Variants in LRRC4C observed in about 807,000 individuals in gnomAD.
The protein encoded by LRRC4C is leucine-rich repeat-containing protein 4C.
A neutral mutation model predicts 33.6 loss-of-function variants in LRRC4C; 5 were observed. The observed-to-expected ratio is 0.15, with a 90% CI of 0.08 to 0.31. The LOEUF (loss-of-function observed/expected upper bound fraction) is 0.31. Ranked by LOEUF, LRRC4C falls within the 10% of genes least tolerant of loss-of-function variation. The probability of loss-of-function intolerance (pLI) is 1.00; values close to 1 mark genes in which losing one functional copy is unlikely to be tolerated. For missense variants in LRRC4C, 560 were observed against 796.7 expected (o/e 0.70, Z 3.58); for synonymous variants, 329 against 302.0 (o/e 1.09, Z -0.93).
At chr11:40,402,100 T>C (rs955852192) in intron 3 of LRRC4C, among the ~76,000 whole-genome samples, 1 of 152,088 alleles carries the variant, frequency 6.6e-6, no homozygotes, top group Non-Finnish European at 1.5e-5. Context: ...CAATTTCAGA[T>C]AACCATTTGA....
At chr11:40,825,454 T>C (rs1591815921) in intron 2 of LRRC4C, among the ~76,000 whole-genome samples, 1 of 152,032 alleles carries the variant, frequency 6.6e-6, no homozygotes, top group Admixed American at 6.6e-5. Context: ...CCATCTCTAC[T>C]TGACATCTAA....
chr11:40,889,917 A>G (rs1955626436), intron 2 of LRRC4C, among the ~76,000 whole-genome samples: 1 of 152,178 alleles, frequency 6.6e-6, no homozygotes, highest in Admixed American at 6.5e-5. Context: ...CCTGGCTTAT[A>G]GTCAATGTAT....
At position 41,240,408 on chromosome 11, in the gene LRRC4C, G is replaced by A. The variant is rs997484581; in HGVS notation, c.-496+219023C>T. Among the ~76,000 whole-genome samples the A allele has an allele frequency of 9.2e-5, 14 of 152,184 alleles. No individual in the cohort carries two copies. In the East Asian group the frequency reaches 2.5e-3, roughly 27 times the overall value. ...GAAAAAGATCAATTGAATTAAAAAC[G>A]TACAGCCTGAAAAACCACAGATTAC... On this transcript the variant is annotated intron_variant, in intron 1 of 6. Coordinates refer to ENST00000528697, the MANE Select transcript of LRRC4C (RefSeq NM_001258419.2).
intron 1 of LRRC4C, among the ~76,000 whole-genome samples, chr11:41,026,938 T>G (rs1431575667): frequency 6.6e-6 from 1 of 151,776 alleles, no homozygotes; most frequent in Non-Finnish European, 1.5e-5. Context: ...CTGGATTTAT[T>G]AAGATACTTC....
At chr11:40,126,682 C>A (rs757646973) in intron 6 of LRRC4C, among the ~76,000 whole-genome samples, 4 of 151,978 alleles carry the variant, frequency 2.6e-5, no homozygotes, top group East Asian at 1.9e-4. Flanking sequence ...AATTTGGGGA[C>A]GGGCGTGGTG....
intron 5 of LRRC4C, among the ~76,000 whole-genome samples, chr11:40,208,961 G>GTGTGTC (rs1295947039): frequency 1.3e-5 from 2 of 151,854 alleles, no homozygotes; most frequent in Admixed American, 6.6e-5. Context: ...GTGTGTGTGT[G>GTGTGTC]TGTGTGTGTG....
chr11:41,405,994 T>C (rs1210428009), intron 1 of LRRC4C, among the ~76,000 whole-genome samples: 1 of 152,142 alleles, frequency 6.6e-6, no homozygotes, highest in Non-Finnish European at 1.5e-5. Flanking sequence ...ACAGGACAGC[T>C]GTCTCCCTAG....
At chr11:40,498,074 G>A (rs1262581777) in intron 3 of LRRC4C, among the ~76,000 whole-genome samples, 1 of 151,970 alleles carries the variant, frequency 6.6e-6, no homozygotes. Flanking sequence ...CTTAATTTTA[G>A]CAAATCTTAG....
chr11:40,265,751 G>A (rs2136295533), intron 4 of LRRC4C, among the ~76,000 whole-genome samples: 1 of 152,310 alleles, frequency 6.6e-6, no homozygotes, highest in East Asian at 1.9e-4. Context: ...GTCCGTATTT[G>A]ATGGAGGGAT....
chr11:41,036,222 T>C (rs567705894), intron 1 of LRRC4C, among the ~76,000 whole-genome samples: 4 of 152,284 alleles, frequency 2.6e-5, no homozygotes, highest in Admixed American at 1.3e-4. Context: ...GTAGCCTTCA[T>C]TCTTAAATTC....
chr11:41,351,656 C>G (rs183097592), intron 1 of LRRC4C, among the ~76,000 whole-genome samples: 11 of 152,250 alleles, frequency 7.2e-5, no homozygotes, highest in Middle Eastern at 3.4e-3. Context: ...TCAGCAGACA[C>G]TTTAAAAGCC....
chr11:40,324,239 G>C (rs1269358185), intron 3 of LRRC4C, among the ~76,000 whole-genome samples: 1 of 152,194 alleles, frequency 6.6e-6, no homozygotes, highest in African/African-American at 2.4e-5. Context: ...AAGTTCTGAT[G>C]GATTTTAAGC....
intron 1 of LRRC4C, among the ~76,000 whole-genome samples, chr11:40,934,991 C>G (rs941412454): frequency 1.3e-5 from 2 of 152,104 alleles, no homozygotes; most frequent in African/African-American, 4.8e-5. Context: ...CACGTTGACC[C>G]TATTCTTTCC....
intron 1 of LRRC4C, among the ~76,000 whole-genome samples, chr11:41,077,528 C>A (rs1002713213): frequency 6.6e-6 from 1 of 152,180 alleles, no homozygotes; most frequent in African/African-American, 2.4e-5. Context: ...CCCATTTTAG[C>A]CATGGCTGGA....
intron 1 of LRRC4C, among the ~76,000 whole-genome samples, chr11:41,139,103 A>G (rs1053912432): frequency 2.0e-5 from 3 of 152,204 alleles, no homozygotes; most frequent in Admixed American, 6.5e-5. Flanking sequence ...GTTAAAAGCC[A>G]TATATAAAGT....
chr11:40,860,705 T>C (rs1319372045), intron 2 of LRRC4C, among the ~76,000 whole-genome samples: 1 of 149,522 alleles, frequency 6.7e-6, no homozygotes, highest in Non-Finnish European at 1.5e-5. Flanking sequence ...GATAACCTCA[T>C]TTCAAGGAAT....
intron 1 of LRRC4C, among the ~76,000 whole-genome samples, chr11:41,365,374 G>T (rs1203836424): frequency 6.6e-6 from 1 of 151,814 alleles, no homozygotes; most frequent in African/African-American, 2.4e-5. Flanking sequence ...ATGGTCAGTT[G>T]CAAATTATTT....
At chr11:41,038,451 G>A (rs1435526353) in intron 1 of LRRC4C, among the ~76,000 whole-genome samples, 1 of 152,040 alleles carries the variant, frequency 6.6e-6, no homozygotes, top group Non-Finnish European at 1.5e-5. Flanking sequence ...AATTCCTTGG[G>A]TGAGGTGTTT....
chr11:41,362,400 A>G (rs753908109), intron 1 of LRRC4C, among the ~76,000 whole-genome samples: 1 of 152,206 alleles, frequency 6.6e-6, no homozygotes, highest in Non-Finnish European at 1.5e-5. Context: ...AATACTAAGC[A>G]TATAAATAGC....
Sources: gnomAD v4.1 joint callset for allele counts (sites outside exome capture counted in the v4.1 genomes callset) on GRCh38, gnomAD v4.1.1 for gene constraint, MANE v1.5 for transcripts, NCBI Gene and HGNC (gene_info 2026-07-23, HGNC 2026-07-21) for gene names.